The following GRID1 variants were observed in gnomAD, a reference collection of about 807,000 sequenced individuals.
The protein encoded by GRID1 is glutamate receptor ionotropic, delta-1.
A neutral mutation model predicts 98.0 loss-of-function variants in GRID1; 28 were observed. The observed-to-expected ratio is 0.29, with a 90% CI of 0.21 to 0.39. GRID1 has a LOEUF of 0.39. Ranked by LOEUF, GRID1 falls within the 10% of genes least tolerant of loss-of-function variation. GRID1 has a pLI of 1.00. For synonymous variants in GRID1, 553 were observed against 538.5 expected, an observed-to-expected ratio of 1.03 and a Z score of -0.37; for missense variants, 1,111 against 1,340.5, an observed-to-expected ratio of 0.83 and a Z score of 2.67.
At chr10:85,865,959 A>ATATATATATATATACACATATATATG (rs1589279980) in intron 6 of GRID1, among the ~76,000 whole-genome samples, 6 of 6,428 alleles carry the variant, frequency 9.3e-4, no homozygotes, top group Admixed American at 6.7e-3. Context: ...ATATATGGAG[A>ATATATATATATATACACATATATATG]GAGAGAGAGA....
At chr10:86,170,184 C>G (rs1564696087) in intron 3 of GRID1, among the ~76,000 whole-genome samples, 1 of 152,230 alleles carries the variant, frequency 6.6e-6, no homozygotes, top group African/African-American at 2.4e-5. Context: ...CTGAGTGGCT[C>G]TGGCCCAGCC....
intron 4 of GRID1, among the ~76,000 whole-genome samples, chr10:86,077,083 G>A (rs1314717516): frequency 1.5e-5 from 2 of 137,840 alleles, no homozygotes; most frequent in Admixed American, 1.5e-4. Context: ...CTCATACTGA[G>A]TCAAACTGGC....
chr10:86,217,349 A>G (rs959449565), intron 2 of GRID1, among the ~76,000 whole-genome samples: 2 of 152,248 alleles, frequency 1.3e-5, no homozygotes, highest in African/African-American at 4.8e-5. Flanking sequence ...TAGGGCTGAC[A>G]TGAGAATTAA....
chr10:85,923,821 T>C (rs2131828681), intron 4 of GRID1, among the ~76,000 whole-genome samples: 1 of 152,250 alleles, frequency 6.6e-6, no homozygotes, highest in South Asian at 2.1e-4. Context: ...AGCCAGAAGG[T>C]GATTCAGGCG....
At chr10:85,951,359 C>G (rs565796209) in intron 4 of GRID1, among the ~76,000 whole-genome samples, 2 of 152,270 alleles carry the variant, frequency 1.3e-5, no homozygotes, top group African/African-American at 4.8e-5. Context: ...AGCATGCACC[C>G]TCAGACCTCC....
chr10:86,086,867 T>C (rs1434691048), intron 4 of GRID1, among the ~76,000 whole-genome samples: 2 of 152,176 alleles, frequency 1.3e-5, no homozygotes, highest in East Asian at 3.9e-4. Context: ...GGAGCTCATC[T>C]TTTTCACAGC....
At chr10:86,165,997 G>A (rs147725455) in intron 3 of GRID1, among the ~76,000 whole-genome samples, 2 of 152,292 alleles carry the variant, frequency 1.3e-5, no homozygotes, top group Non-Finnish European at 2.9e-5. Flanking sequence ...CTAAAGACAC[G>A]GGAACATTTC....
At chr10:85,982,300 T>C (rs962157621) in intron 4 of GRID1, among the ~76,000 whole-genome samples, 21 of 152,168 alleles carry the variant, frequency 1.4e-4, no homozygotes, top group Non-Finnish European at 3.1e-4. Flanking sequence ...AAACATCATG[T>C]TGTACACCTT....
chr10:85,870,563 G>A (rs553293027), intron 5 of GRID1, among the ~76,000 whole-genome samples: 3 of 152,360 alleles, frequency 2.0e-5, no homozygotes, highest in Admixed American at 6.5e-5. Context: ...TGGCTAACAA[G>A]TTCTGGAGGA....
intron 3 of GRID1, among the ~76,000 whole-genome samples, chr10:86,175,186 T>C (rs1025653828): frequency 1.3e-5 from 2 of 152,156 alleles, no homozygotes; most frequent in South Asian, 2.1e-4. Context: ...TAGATATAGA[T>C]ACAGCAATAG....
chr10:86,343,798 A>G (rs1037617952), intron 2 of GRID1, among the ~76,000 whole-genome samples: 1 of 152,250 alleles, frequency 6.6e-6, no homozygotes, highest in South Asian at 2.1e-4. Flanking sequence ...GATGGACAGA[A>G]TGACAGTCAT....
chr10:85,697,466 T>C (rs1841406752), intron 12 of GRID1, among the ~76,000 whole-genome samples: 1 of 152,204 alleles, frequency 6.6e-6, no homozygotes, highest in South Asian at 2.1e-4. Flanking sequence ...ACATGGTATA[T>C]CTTTACCTTC....
At chr10:85,739,944 T>C (rs920981636) in intron 8 of GRID1, among the ~76,000 whole-genome samples, 2 of 152,212 alleles carry the variant, frequency 1.3e-5, no homozygotes, top group East Asian at 1.9e-4. Flanking sequence ...ATAAGGAATG[T>C]TCATCTCTTG....
intron 2 of GRID1, among the ~76,000 whole-genome samples, chr10:86,210,082 C>A (rs1846086397): frequency 6.6e-6 from 1 of 152,030 alleles, no homozygotes; most frequent in South Asian, 2.1e-4. Context: ...ACAGACTCTG[C>A]AACTCAACTG....
At chr10:85,620,659 G>A (rs1469173932) in intron 13 of GRID1, among the ~76,000 whole-genome samples, 2 of 152,092 alleles carry the variant, frequency 1.3e-5, no homozygotes, top group African/African-American at 2.4e-5. Flanking sequence ...ATGGTGCCAC[G>A]CCAGGCTTCT....
intron 4 of GRID1, among the ~76,000 whole-genome samples, chr10:85,937,459 C>T (rs866689041): frequency 6.6e-6 from 1 of 152,200 alleles, no homozygotes; most frequent in Non-Finnish European, 1.5e-5. Context: ...TGTATCCAGC[C>T]GAGTAGCTGT....
At chr10:85,845,678 G>A (rs898717203) in intron 8 of GRID1, among the ~76,000 whole-genome samples, 14 of 152,126 alleles carry the variant, frequency 9.2e-5, no homozygotes, top group Admixed American at 2.6e-4. Flanking sequence ...AGTGTGCTTC[G>A]CATGCCCCTC....
intron 4 of GRID1, among the ~76,000 whole-genome samples, chr10:86,003,549 C>G (rs1842824944): frequency 6.6e-6 from 1 of 152,248 alleles, no homozygotes; most frequent in East Asian, 1.9e-4. Flanking sequence ...CAGCAGCCAG[C>G]AGGACATGTG....
intron 8 of GRID1, among the ~76,000 whole-genome samples, chr10:85,853,296 CT>C (rs1419584336): frequency 1.3e-5 from 2 of 152,244 alleles, no homozygotes; most frequent in Non-Finnish European, 2.9e-5. Context: ...CCCTCCACTG[CT>C]TCTAGCCAAT....
Sources: allele counts gnomAD v4.1 joint callset (sites outside exome capture counted in the v4.1 genomes callset), GRCh38; gene constraint gnomAD v4.1.1; transcripts MANE v1.5; gene names NCBI Gene and HGNC (gene_info 2026-07-23, HGNC 2026-07-21).